Variants in UVRAG observed in about 807,000 individuals in gnomAD.
UVRAG encodes UV radiation resistance-associated gene protein.
In UVRAG, 19 loss-of-function variants were observed where a neutral mutation model predicts 78.0. That is an observed-to-expected ratio of 0.24 (90% CI 0.17 to 0.36). The LOEUF (loss-of-function observed/expected upper bound fraction) is 0.36. Ranked by LOEUF, UVRAG falls within the 10% of genes least tolerant of loss-of-function variation. The probability of loss-of-function intolerance (pLI) is 1.00; values close to 1 mark genes in which losing one functional copy is unlikely to be tolerated. For synonymous variants in UVRAG, 323 were observed against 324.6 expected, an observed-to-expected ratio of 1.00 and a Z score of 0.05; for missense variants, 740 against 853.8, an observed-to-expected ratio of 0.87 and a Z score of 1.66.
intron 13 of UVRAG, among the ~76,000 whole-genome samples, chr11:76,114,846 A>C (rs1952147084): frequency 6.6e-6 from 1 of 152,202 alleles, no homozygotes; most frequent in African/African-American, 2.4e-5. Flanking sequence ...TTTATTCTTT[A>C]AGAGAGGGAT....
At chr11:75,930,817 C>T (rs1314387927) in intron 6 of UVRAG, 2 of 152,188 alleles carry the variant, frequency 1.3e-5, no homozygotes, top group African/African-American at 2.4e-5. Context: ...TGACAAGGCA[C>T]GGCATGTGTT....
At chr11:75,837,933 T>TCAC (rs1489614630) in intron 1 of UVRAG, among the ~76,000 whole-genome samples, 3 of 152,226 alleles carry the variant, frequency 2.0e-5, no homozygotes, top group Admixed American at 2.0e-4. Context: ...GGAGGGTTGC[T>TCAC]TGAGCCTGAG....
At chr11:76,106,426 C>T (rs139338227) in intron 13 of UVRAG, among the ~76,000 whole-genome samples, 2,004 of 152,002 alleles carry the variant, frequency 0.013, 47 homozygotes, top group African/African-American at 0.045. Flanking sequence ...AGTGCAGTGG[C>T]GTGATCTCAG....
chr11:75,847,106 T>G (rs1025340458), intron 1 of UVRAG, among the ~76,000 whole-genome samples: 1 of 152,048 alleles, frequency 6.6e-6, no homozygotes, highest in Non-Finnish European at 1.5e-5. Flanking sequence ...ATTACAGGTA[T>G]GGGCCACCGT....
chr11:75,979,663 G>A (rs1949345876), intron 7 of UVRAG: 1 of 152,996 alleles, frequency 6.5e-6, no homozygotes, highest in Non-Finnish European at 1.5e-5. Flanking sequence ...CGTGGGCGTG[G>A]GACCCTCTGA....
intron 3 of UVRAG, among the ~76,000 whole-genome samples, chr11:75,873,980 T>C (rs116256336): frequency 6.6e-6 from 1 of 152,224 alleles, no homozygotes; most frequent in Non-Finnish European, 1.5e-5. Context: ...TAATCTGTAA[T>C]GAATGCTTCA....
intron 12 of UVRAG, among the ~76,000 whole-genome samples, chr11:76,061,586 G>A (rs539117352): frequency 8.6e-5 from 13 of 151,748 alleles, no homozygotes; most frequent in South Asian, 8.4e-4. Flanking sequence ...CGGGAGGAAC[G>A]AACAACTCCA....
intron 6 of UVRAG, among the ~76,000 whole-genome samples, chr11:75,952,648 G>A (rs770761747): frequency 6.6e-6 from 1 of 151,976 alleles, no homozygotes; most frequent in Admixed American, 6.6e-5. Context: ...ACTTGATCCA[G>A]TTGCTTTATC....
At chr11:76,075,611 C>CA (rs879475858) in intron 13 of UVRAG, among the ~76,000 whole-genome samples, 1,518 of 133,992 alleles carry the variant, frequency 0.011, 27 homozygotes, top group African/African-American at 0.032. Context: ...GACTGTGTCT[C>CA]AAAAAAAAAA....
At chr11:75,861,586 CT>C (rs567262865) in intron 2 of UVRAG, among the ~76,000 whole-genome samples, 159 bp from the exon 3 acceptor site, 47 of 98,838 alleles carry the variant, frequency 4.8e-4, no homozygotes, top group South Asian at 4.1e-3. Context: ...TGAATTTTTA[CT>C]TTTTTTTTTA....
chr11:75,920,178 A>AC (rs1375438887), intron 6 of UVRAG, among the ~76,000 whole-genome samples: 8 of 151,482 alleles, frequency 5.3e-5, no homozygotes, highest in Non-Finnish European at 1.2e-4. Context: ...GGCACGTGCC[A>AC]CCACGCCTGG....
chr11:76,058,446 T>A (rs1591186195), intron 12 of UVRAG, among the ~76,000 whole-genome samples: 2 of 151,178 alleles, frequency 1.3e-5, no homozygotes, highest in Admixed American at 1.3e-4. Context: ...GGCAGGAGTA[T>A]TCCTTGTGCC....
chr11:76,055,791 G>A (rs1004398315), intron 12 of UVRAG, among the ~76,000 whole-genome samples: 1 of 151,924 alleles, frequency 6.6e-6, no homozygotes, highest in Non-Finnish European at 1.5e-5. Flanking sequence ...CTCACTGCAA[G>A]CTCCGCCTCC....
At chr11:75,928,874 A>G (rs1469501525) in intron 6 of UVRAG, among the ~76,000 whole-genome samples, 2 of 143,806 alleles carry the variant, frequency 1.4e-5, no homozygotes, top group Non-Finnish European at 3.0e-5. Flanking sequence ...CCCGGGAAGC[A>G]GAGCTTGCAG....
Position 75,854,351 on chromosome 11 carries a change from G to GTCCA in UVRAG, c.235+2353_235+2356dup, listed in dbSNP as rs1187372002. On this transcript the variant is annotated intron_variant, in intron 2 of 14. Coordinates refer to ENST00000356136, the MANE Select transcript of UVRAG (RefSeq NM_003369.4). ...TGTGGGAGATTTTTAAATGGAAATG[G>GTCCA]TCCATATCAATTTCATTACATTCTA... Among the ~76,000 whole-genome samples the GTCCA allele has an allele frequency of 3.9e-5, 6 of 152,126 alleles. No individual in the cohort carries two copies. In the East Asian group the frequency reaches 9.6e-4, roughly 24 times the overall value.
intron 12 of UVRAG, among the ~76,000 whole-genome samples, chr11:76,044,504 G>T (rs1950708951): frequency 6.6e-6 from 1 of 152,212 alleles, no homozygotes; most frequent in Admixed American, 6.5e-5. Context: ...AGGCGCCGCG[G>T]CTCACGGCTG....
intron 8 of UVRAG, among the ~76,000 whole-genome samples, chr11:76,000,628 G>A (rs1245828560): frequency 1.3e-5 from 2 of 151,084 alleles, no homozygotes; most frequent in African/African-American, 2.4e-5. Context: ...AAAAAAAAAG[G>A]AAAAAAAGAA....
chr11:75,896,665 G>A (rs1947350278), intron 5 of UVRAG, among the ~76,000 whole-genome samples: 1 of 152,194 alleles, frequency 6.6e-6, no homozygotes, highest in African/African-American at 2.4e-5. Context: ...TAGGCTCTCA[G>A]TAAAACTTTG....
intron 14 of UVRAG, among the ~76,000 whole-genome samples, chr11:76,135,452 T>G (rs1235032234): frequency 2.0e-5 from 3 of 152,198 alleles, no homozygotes; most frequent in Non-Finnish European, 4.4e-5. Context: ...CCAGGCCAGT[T>G]GGCTTCTCCC....
Sources: gnomAD v4.1 joint callset for allele counts (sites outside exome capture counted in the v4.1 genomes callset) on GRCh38, gnomAD v4.1.1 for gene constraint, MANE v1.5 for transcripts, NCBI Gene and HGNC (gene_info 2026-07-23, HGNC 2026-07-21) for gene names.